The following CEP112 variants were observed in gnomAD, a reference collection of about 807,000 sequenced individuals.
CEP112 encodes the protein centrosomal protein 112, also known as centrosomal protein of 112 kDa.
CEP112 carries 127 observed loss-of-function variants against 153.0 expected under a neutral mutation model. The ratio of observed to expected loss-of-function variants is 0.83; its 90% CI spans 0.72 to 0.96. The LOEUF (loss-of-function observed/expected upper bound fraction) is 0.96, where lower values mean the gene tolerates loss of function less well. Among genes scored for constraint, CEP112 ranks in the 40% least tolerant of loss-of-function variants. CEP112 has a pLI of 0.00. For synonymous variants in CEP112, 358 were observed against 374.4 expected, an observed-to-expected ratio of 0.96 and a Z score of 0.51; for missense variants, 1,089 against 1,101.2, an observed-to-expected ratio of 0.99 and a Z score of 0.16.
At chr17:65,647,643 AT>A (rs11358851) in intron 24 of CEP112, among the ~76,000 whole-genome samples, 75,017 of 143,434 alleles carry the variant, frequency 0.52, 20,278 homozygotes, top group African/African-American at 0.69. Flanking sequence ...TGCCCAGCTA[AT>A]TTTTTTTTTT....
At chr17:66,026,151 G>T (rs941733453) in intron 16 of CEP112, among the ~76,000 whole-genome samples, 6 of 151,986 alleles carry the variant, frequency 3.9e-5, no homozygotes, top group Non-Finnish European at 8.8e-5. Flanking sequence ...GGTTAGGAGG[G>T]GACGAGGGAT....
In CEP112 at chr17:65,640,977, G is replaced by A. The variant is rs760148654; in HGVS notation, c.2786C>T (p.Ser929Phe). 6.3e-7 allele frequency: 1 copy of A among 1,590,768 alleles called. No individual in the cohort carries two copies. The highest frequency in any genetic ancestry group is 1.7e-5 in the Admixed American group (1 of 59,920). Residue 929 changes from serine (S) to phenylalanine (F), a missense_variant, in exon 25 of 27, where the codon TCC becomes TTC. Physicochemically the swap from Ser to Phe is radical, Grantham distance 155 (BLOSUM62 -2). Coordinates refer to ENST00000535342, the MANE Select transcript of CEP112 (RefSeq NM_001199165.4). ...LRQELEDTIS[S>F]LKSQVNFLQK... ...TCTAGTAATTACCTGTGATTTTAGG[G>A]AGGAAATGGTGTCTTCAAGTTCTTG... is the stretch of plus-strand genomic sequence containing the variant.
chr17:65,944,765 T>C (rs1037338439), intron 18 of CEP112, among the ~76,000 whole-genome samples: 3 of 151,952 alleles, frequency 2.0e-5, no homozygotes, highest in Non-Finnish European at 4.4e-5. Flanking sequence ...AATTTTTTAA[T>C]TTTTTGTCAA....
At chr17:65,715,949 C>A (rs910956107) in intron 23 of CEP112, among the ~76,000 whole-genome samples, 1 of 152,068 alleles carries the variant, frequency 6.6e-6, no homozygotes, top group Non-Finnish European at 1.5e-5. Context: ...GTTGCTAATA[C>A]TAAAAATATG....
intron 23 of CEP112, among the ~76,000 whole-genome samples, chr17:65,704,075 A>G (rs1598355904): frequency 6.6e-6 from 1 of 151,952 alleles, no homozygotes; most frequent in Non-Finnish European, 1.5e-5. Flanking sequence ...ATCCAGTATG[A>G]CGGACGTCCT....
intron 21 of CEP112, among the ~76,000 whole-genome samples, chr17:65,830,841 C>A (rs2057044275): frequency 6.6e-6 from 1 of 152,250 alleles, no homozygotes; most frequent in Admixed American, 6.5e-5. Context: ...CCAATTCTCA[C>A]TATAAGTCTT....
At position 65,669,704 on chromosome 17, in the gene CEP112, C is replaced by G. The variant is rs146627933; in HGVS notation, c.2697+19425G>C. 1.7e-3 allele frequency among the ~76,000 whole-genome samples: 261 copies of G among 152,188 alleles called. 1 individual carries two copies. The highest frequency in any genetic ancestry group is 3.1e-3 in the Non-Finnish European group (212 of 68,010). Reference sequence around the variant, plus strand: ...GGATCACGAGGTCAGGAGATCGAGACCATCCTGGCTAACACGGTGAAACCC... The same window carrying G: ...GGATCACGAGGTCAGGAGATCGAGAGCATCCTGGCTAACACGGTGAAACCC... On this transcript the variant is annotated intron_variant, in intron 24 of 26. Coordinates refer to ENST00000535342, the MANE Select transcript of CEP112 (RefSeq NM_001199165.4).
chr17:65,925,663 T>G (rs1042138960), intron 19 of CEP112, among the ~76,000 whole-genome samples: 14 of 152,214 alleles, frequency 9.2e-5, no homozygotes, highest in Non-Finnish European at 2.1e-4. Context: ...CTAACCCCAT[T>G]TGATGGTCTT....
chr17:66,112,976 G>A (rs1221346559), intron 6 of CEP112, among the ~76,000 whole-genome samples: 3 of 152,014 alleles, frequency 2.0e-5, no homozygotes, highest in Non-Finnish European at 4.4e-5. Context: ...GGCTGAGGCA[G>A]GAGAATCACT....
At chr17:65,747,158 T>C (rs889613128) in intron 22 of CEP112, among the ~76,000 whole-genome samples, 1 of 152,130 alleles carries the variant, frequency 6.6e-6, no homozygotes, top group African/African-American at 2.4e-5. Context: ...TTGAGACTTT[T>C]ATAAAACTCT....
At chr17:65,717,125 T>A in intron 23 of CEP112, among the ~76,000 whole-genome samples, 1 of 152,258 alleles carries the variant, frequency 6.6e-6, no homozygotes, top group East Asian at 1.9e-4. Flanking sequence ...ATGCTACTTT[T>A]ATGACTGGGC....
intron 12 of CEP112, among the ~76,000 whole-genome samples, chr17:66,034,975 TG>T (rs2065658401): frequency 2.2e-4 from 2 of 9,098 alleles, no homozygotes; most frequent in African/African-American, 2.8e-4. Context: ...AGTTTTTGCA[TG>T]TATATATATA....
intron 17 of CEP112, among the ~76,000 whole-genome samples, chr17:66,000,592 G>A (rs947226859): frequency 2.0e-5 from 3 of 152,090 alleles, no homozygotes; most frequent in South Asian, 2.1e-4. Context: ...CTAGTCTAGC[G>A]TCCAAACATC....
intron 21 of CEP112, among the ~76,000 whole-genome samples, chr17:65,830,198 T>G (rs894938494): frequency 1.1e-4 from 16 of 152,066 alleles, no homozygotes; most frequent in African/African-American, 3.9e-4. Context: ...CCAAAAAATA[T>G]AACTAAAAAC....
At chr17:65,850,032 T>C (rs2057869401) in intron 21 of CEP112, among the ~76,000 whole-genome samples, 1 of 151,306 alleles carries the variant, frequency 6.6e-6, no homozygotes. Context: ...CGGGTGCCTA[T>C]AATCCCAGCT....
intron 20 of CEP112, among the ~76,000 whole-genome samples, chr17:65,880,147 A>G (rs751078124): frequency 1.8e-4 from 27 of 152,204 alleles, no homozygotes; most frequent in Non-Finnish European, 3.8e-4. Flanking sequence ...ATAAAAATAC[A>G]GTTGATTTTG....
chr17:65,778,022 A>ATTG (rs2053783283), intron 21 of CEP112, among the ~76,000 whole-genome samples: 1 of 96,070 alleles, frequency 1.0e-5, no homozygotes, highest in Non-Finnish European at 2.4e-5. Context: ...TACCTCAATC[A>ATTG]TTAGCCCATC....
chr17:65,694,498 A>G (rs933602373), intron 23 of CEP112, among the ~76,000 whole-genome samples: 4 of 152,218 alleles, frequency 2.6e-5, no homozygotes, highest in Admixed American at 1.3e-4. Context: ...TTCCTTATAA[A>G]GATGTAAAGT....
At position 65,685,334 on chromosome 17, in the gene CEP112, A is replaced by G. The variant is rs1003937564; in HGVS notation, c.2697+3795T>C. 4.6e-5 allele frequency among the ~76,000 whole-genome samples: 7 copies of G among 152,252 alleles called. No homozygotes were observed. The South Asian group carries it at 6.2e-4, about 13-fold the overall frequency. On this transcript the variant is annotated intron_variant, in intron 24 of 26. Transcript: ENST00000535342. ...TAGACATTTTTCTTAAATGAAAACC[A>G]GAAACCATTTAAACATTTTTAAAGC...
Sources: allele counts gnomAD v4.1 joint callset (sites outside exome capture counted in the v4.1 genomes callset), GRCh38; gene constraint gnomAD v4.1.1; transcripts MANE v1.5; gene names NCBI Gene and HGNC (gene_info 2026-07-23, HGNC 2026-07-21).